The following ABCA7 variants were observed in gnomAD, a reference collection of about 807,000 sequenced individuals.
The protein encoded by ABCA7 is phospholipid-transporting ATPase ABCA7.
Under a neutral mutation model 227.6 loss-of-function variants are expected in ABCA7, and 261 were observed. That is an observed-to-expected ratio of 1.15 (90% CI 1.04 to 1.27). The LOEUF is 1.27. Among genes scored for constraint, ABCA7 ranks in the 50% most tolerant of loss-of-function variants. The pLI, the probability that ABCA7 is intolerant of heterozygous loss-of-function variation, is 0.00. For missense variants in ABCA7, 3,331 were observed against 2,924.5 expected, an observed-to-expected ratio of 1.14 and a Z score of -3.21; for synonymous variants, 1,488 against 1,279.7, an observed-to-expected ratio of 1.16 and a Z score of -3.47.
At chr19:1,040,417 C>T (rs991775780) in intron 1 of ABCA7, among the ~76,000 whole-genome samples, 1 of 152,144 alleles carries the variant, frequency 6.6e-6, no homozygotes, top group Non-Finnish European at 1.5e-5. Flanking sequence ...GCCCCCTGCC[C>T]GTTAGAACTC....
chr19:1,040,814 G>C (rs959078851), intron 1 of ABCA7, among the ~76,000 whole-genome samples: 3 of 152,144 alleles, frequency 2.0e-5, no homozygotes, highest in Non-Finnish European at 4.4e-5. Context: ...GCTTTCTTGG[G>C]CCTCGGTTTC....
Position 1,065,071 on chromosome 19 carries a change from G to T in ABCA7, c.6185G>T (p.Gly2062Val), listed in dbSNP as rs1387904625. 1.9e-6 allele frequency: 3 copies of T among 1,566,774 alleles called. No homozygotes were observed. Among genetic ancestry groups the T allele is most frequent in the South Asian group, 1.2e-5 (1 of 86,310 alleles). ...CGCCTGCGCTTCCAGCTGCCGCCGGGAGGGCGCTGCGCCCTGGCGCGCGTC... is the reference window on the plus strand; with the variant it reads ...CGCCTGCGCTTCCAGCTGCCGCCGGTAGGGCGCTGCGCCCTGGCGCGCGTC... Reference protein sequence around the residue: ...GGRLRFQLPPGGRCALARVFG... With the variant: ...GGRLRFQLPPVGRCALARVFG... The change falls in exon 46 of 47, where the codon GGA becomes GTA. Residue 2062 changes from glycine (G) to valine (V), a missense_variant. By Grantham distance (109) the Gly-to-Val change is moderately radical. Transcript: ENST00000263094.
chr19:1,051,951 T>A lies in ABCA7; in HGVS notation c.2972T>A (p.Leu991Gln), dbSNP rs1490063876. Residue 991 changes from leucine (L) to glutamine (Q), a missense_variant, in exon 22 of 47, where the codon CTG (leucine) becomes CAG (glutamine). Transcript: ENST00000263094. ...GGTCCCCCGTGCCTAGGTCGCACGC[T>A]GATCCTCTCCACCCACCACCTGGAT... is the stretch of plus-strand genomic sequence containing the variant. The part of the protein sequence containing the change: ...LLLKYREGRT[L>Q]ILSTHHLDEA... The A allele has an allele frequency of 1.9e-6, 3 of 1,611,656 alleles. No individual in the cohort carries two copies. The Admixed American group carries it at 5.0e-5, about 27-fold the overall frequency.
intron 31 of ABCA7, 46 bp downstream of exon 31, chr19:1,055,985 C>CA (rs2042216225): frequency 1.3e-6 from 2 of 1,567,074 alleles, no homozygotes; most frequent in Non-Finnish European, 1.7e-6. Flanking sequence ...GTTCCACTCC[C>CA]ATGCCCTCTG....
At position 1,056,052 on chromosome 19, in the gene ABCA7, G is replaced by T; in HGVS notation, c.4239-14G>T. The T allele has an allele frequency of 1.9e-6, 3 of 1,570,194 alleles. No individual in the cohort carries two copies. Among genetic ancestry groups the T allele is most frequent in the South Asian group, 2.3e-5 (2 of 85,700 alleles). ...GGCCCTCAGCTCCCCTTCCCTGCCTGCATGGCCCCACAGATACGGAGGCTT... is the reference window on the plus strand; with the variant it reads ...GGCCCTCAGCTCCCCTTCCCTGCCTTCATGGCCCCACAGATACGGAGGCTT... On this transcript the variant is annotated splice_polypyrimidine_tract_variant and intron_variant, in intron 31 of 46. Coordinates refer to ENST00000263094, the MANE Select transcript of ABCA7 (RefSeq NM_019112.4). This position sits in a 1 kb window ranked among gnomAD's most constrained non-coding sequence, Gnocchi z 4.3.
chr19:1,065,313 C>A lies in ABCA7; in HGVS notation c.6329C>A (p.Thr2110Asn), dbSNP rs751985288. ...FSKDQGKDEDTEEQKEAGVGV... is the reference protein window; with the variant it reads ...FSKDQGKDEDNEEQKEAGVGV... ...AAGGACCAGGGGAAGGACGAGGACA[C>A]CGAAGAGCAGAAGGAGGCAGGAGTG... Residue 2110 changes from threonine (T) to asparagine (N), a missense_variant, in exon 47 of 47, where the codon ACC (threonine) becomes AAC (asparagine). Transcript: ENST00000263094. The A allele has an allele frequency of 6.2e-7, 1 of 1,613,580 alleles. No individual in the cohort carries two copies. The highest frequency in any genetic ancestry group is 8.5e-7 in the Non-Finnish European group (1 of 1,179,992).
rs536189561 is a variant in ABCA7 at position 1,042,947 on chromosome 19, C to A, written c.580-94C>A. 79 of 1,509,990 alleles carry A rather than the reference C, an allele frequency of 5.2e-5. No homozygotes were observed. The Admixed American group carries it at 1.3e-3, about 24-fold the overall frequency. 93.5% of individuals were successfully genotyped at this position (1,509,990 alleles called of 1,614,324 possible). ...GTGGGTTTTCAGGAGGATTAGACAG[C>A]GAGAGGGAGAGGCTGCCCCTGGCCC... On this transcript the variant is annotated intron_variant, in intron 7 of 46. Coordinates refer to ENST00000263094, the MANE Select transcript of ABCA7 (RefSeq NM_019112.4).
chr19:1,043,186 AG>A lies in ABCA7; in HGVS notation c.727del (p.Ala243LeufsTer4). The A allele has an allele frequency of 6.2e-7, 1 of 1,610,356 alleles. No homozygotes were observed. The highest frequency in any genetic ancestry group is 8.5e-7 in the Non-Finnish European group (1 of 1,177,940). On this transcript the variant is annotated frameshift_variant, in exon 8 of 47. Coordinates refer to ENST00000263094, the MANE Select transcript of ABCA7 (RefSeq NM_019112.4). LOFTEE classifies it high-confidence loss of function. Reference sequence around the variant, plus strand: ...GTGGGCCCCTCCCTCAACTGGTACGAGGCTAGTGACCTGATGGAGCTGGTGG... The same window carrying A: ...GTGGGCCCCTCCCTCAACTGGTACGAGCTAGTGACCTGATGGAGCTGGTGG... ...STVGPSLNWY[E>X]ASDLMELVGQ...
In ABCA7 at chr19:1,064,107, G is replaced by A. The variant is rs1158469654; in HGVS notation, c.5952-54G>A. On this transcript the variant is annotated intron_variant, in intron 44 of 46. Coordinates refer to ENST00000263094, the MANE Select transcript of ABCA7 (RefSeq NM_019112.4). ...GGCCGGGGGAAGCAGGCAGTGTGGC[G>A]CCAGGCACAGGTGGCCCCGGCCTCA... 5 of 1,492,462 alleles carry A rather than the reference G, an allele frequency of 3.4e-6. No homozygotes were observed. The East Asian group carries it at 7.4e-5, about 22-fold the overall frequency. 92.5% of individuals were successfully genotyped at this position (1,492,462 alleles called of 1,614,324 possible).
chr19:1,048,191 TAA>T (rs35966146), intron 16 of ABCA7, among the ~76,000 whole-genome samples: 3,290 of 101,416 alleles, frequency 0.032, 47 homozygotes, highest in Middle Eastern at 0.07. Context: ...TCCATCTCTT[TAA>T]AAAAAAAAAA....
Position 1,059,058 on chromosome 19 carries a change from C to T in ABCA7, c.5436C>T (p.Arg1812=). 6.2e-7 allele frequency: 1 copy of T among 1,613,740 alleles called. No individual in the cohort carries two copies. Among genetic ancestry groups the T allele is most frequent in the Non-Finnish European group, 8.5e-7 (1 of 1,179,964 alleles). ...YRGQRMPAVD[R]LCLGIPPGEC... ...GGCAGAGGATGCCAGCTGTTGACCGCTTGTGCCTGGGGATTCCCCCTGGTG... is the reference window on the plus strand; with the variant it reads ...GGCAGAGGATGCCAGCTGTTGACCGTTTGTGCCTGGGGATTCCCCCTGGTG... Residue 1812 remains arginine (R), a synonymous_variant, in exon 40 of 47, where the codon CGC becomes CGT. Coordinates refer to ENST00000263094, the MANE Select transcript of ABCA7 (RefSeq NM_019112.4).
At position 1,045,172 on chromosome 19, in the gene ABCA7, G is replaced by T. The variant is rs1054501865; in HGVS notation, c.1386G>T (p.Val462=). Residue 462 remains valine (V), a synonymous_variant, in exon 12 of 47, where the codon GTG becomes GTT. Transcript: ENST00000263094. ...HPTPDLGPGH[V]RIKIRMDIDV... ...CCCCAGACCTGGGCCCCGGCCACGT[G>T]CGCATCAAAATCCGCATGGACATTG... 1 of 1,612,430 alleles carries T rather than the reference G, an allele frequency of 6.2e-7. No individual in the cohort carries two copies. The highest frequency in any genetic ancestry group is 1.7e-5 in the Admixed American group (1 of 59,998).
chr19:1,042,419 G>A (rs1411673400), intron 6 of ABCA7, 22 bp downstream of exon 6: 3 of 1,610,712 alleles, frequency 1.9e-6, no homozygotes, highest in South Asian at 1.1e-5. Flanking sequence ...GGGCGGGACC[G>A]CGCTGACTTC....
In ABCA7 at chr19:1,065,242, T is replaced by C. The variant is rs1388750679; in HGVS notation, c.6286-28T>C. 3 of 1,611,572 alleles carry C rather than the reference T, an allele frequency of 1.9e-6. No individual in the cohort carries two copies. In the East Asian group the frequency reaches 6.7e-5, roughly 36 times the overall value. The stretch of plus-strand genomic sequence containing the variant: ...CAGGCCCGTGGGCTGACCGTCCCTC[T>C]TGTCCCCTCTGGGCTGCCCACCGCT... On this transcript the variant is annotated intron_variant, in intron 46 of 46. Transcript: ENST00000263094.
chr19:1,057,094 C>T lies in ABCA7; in HGVS notation c.4764+10C>T. The T allele has an allele frequency of 6.2e-7, 1 of 1,607,534 alleles. No homozygotes were observed. Among genetic ancestry groups the T allele is most frequent in the East Asian group, 2.2e-5 (1 of 44,796 alleles). On this transcript the variant is annotated intron_variant, in intron 34 of 46. Transcript: ENST00000263094. ...CTTTCTCTGGGACATGGTGCGGGGG[C>T]TGCTTGGACGGGTGGGGGCCCAGCC...
Position 1,054,860 on chromosome 19 carries a change from T to G in ABCA7, c.3932T>G (p.Val1311Gly), listed in dbSNP as rs1192050845. 2 of 1,561,230 alleles carry G rather than the reference T, an allele frequency of 1.3e-6. No individual in the cohort carries two copies. Among genetic ancestry groups the G allele is most frequent in the Non-Finnish European group, 1.7e-6 (2 of 1,153,482 alleles). The change falls in exon 29 of 47, where the codon GTG (valine) becomes GGG (glycine). Residue 1311 changes from valine to glycine, a missense_variant. Val to Gly is a moderately radical substitution (Grantham distance 109). Transcript: ENST00000263094. The surrounding 1 kb of genome is among the most constrained non-coding windows in gnomAD (Gnocchi z 4.8). ...LQEAGLEEPPVQHSSHRFSAP... is the reference protein window; with the variant it reads ...LQEAGLEEPPGQHSSHRFSAP... ...GAGGCAGGACTGGAGGAGCCCCCAG[T>G]GCAGCATAGCTCCCACAGGTGAGGC...
intron 10 of ABCA7, 78 bp from the exon 11 acceptor site, chr19:1,044,499 C>A (rs2040405034): frequency 1.2e-5 from 18 of 1,509,264 alleles, no homozygotes; most frequent in Non-Finnish European, 1.3e-5. Flanking sequence ...CCACCCGCCT[C>A]GCCTCCCAAA....
Position 1,046,940 on chromosome 19 carries a change from C to G in ABCA7, c.1761C>G (p.Ser587Arg). 4 of 1,565,536 alleles carry G rather than the reference C, an allele frequency of 2.6e-6. No individual in the cohort carries two copies. The highest frequency in any genetic ancestry group is 3.4e-6 in the Non-Finnish European group (4 of 1,164,140). ...ACACCATGCGCGCCATGGGGCTCAG[C>G]CGCGCGGTGCTCTGGCTAGGCTGGT... ...LRDTMRAMGL[S>R]RAVLWLGWFL... The change falls in exon 14 of 47, where the codon AGC (serine) becomes AGG (arginine). Residue 587 changes from serine to arginine, a missense_variant. Physicochemically the swap from Ser to Arg is moderately radical, Grantham distance 110. Transcript: ENST00000263094.
At position 1,065,306 on chromosome 19, in the gene ABCA7, G is replaced by A. The variant is rs139706726; in HGVS notation, c.6322G>A (p.Glu2108Lys). 5.8e-4 allele frequency: 934 copies of A among 1,613,598 alleles called. 4 individuals carry two copies. The highest frequency in any genetic ancestry group is 5.3e-3 in the Middle Eastern group (32 of 6,062). ...CTTCTCCAAGGACCAGGGGAAGGACGAGGACACCGAAGAGCAGAAGGAGGC... is the reference window on the plus strand; with the variant it reads ...CTTCTCCAAGGACCAGGGGAAGGACAAGGACACCGAAGAGCAGAAGGAGGC... Reference protein sequence around the residue: ...LYFSKDQGKDEDTEEQKEAGV... With the variant: ...LYFSKDQGKDKDTEEQKEAGV... Residue 2108 changes from glutamate (E) to lysine (K), a missense_variant, in exon 47 of 47, where the codon GAG becomes AAG. By Grantham distance (56) the Glu-to-Lys change is moderately conservative (BLOSUM62 1). Coordinates refer to ENST00000263094, the MANE Select transcript of ABCA7 (RefSeq NM_019112.4).
Sources: allele counts gnomAD v4.1 joint callset (sites outside exome capture counted in the v4.1 genomes callset), GRCh38; gene constraint gnomAD v4.1.1; non-coding constraint Gnocchi (gnomAD v3.1); transcripts MANE v1.5; gene names NCBI Gene and HGNC (gene_info 2026-07-23, HGNC 2026-07-21).